The following KIAA1217 variants were observed in gnomAD, a reference collection of about 807,000 sequenced individuals.
The protein encoded by KIAA1217 is KIAA1217, also known as sickle tail protein homolog.
KIAA1217 carries 88 observed loss-of-function variants against 163.9 expected under a neutral mutation model. The ratio of observed to expected loss-of-function variants is 0.54; its 90% CI spans 0.45 to 0.64. KIAA1217 has a LOEUF of 0.64. Ranked by LOEUF, KIAA1217 falls within the 30% of genes least tolerant of loss-of-function variation. The probability of loss-of-function intolerance (pLI) is 0.00; values close to 1 mark genes in which losing one functional copy is unlikely to be tolerated. For missense variants in KIAA1217, 2,372 were observed against 2,475.0 expected, an observed-to-expected ratio of 0.96 and a Z score of 0.88; for synonymous variants, 903 against 923.1, an observed-to-expected ratio of 0.98 and a Z score of 0.39.
At chr10:24,532,310 G>T (rs566075473) in intron 15 of KIAA1217, among the ~76,000 whole-genome samples, 1 of 152,338 alleles carries the variant, frequency 6.6e-6, no homozygotes, top group African/African-American at 2.4e-5. Flanking sequence ...TCTTCCAAAG[G>T]TAACTGAGGT....
chr10:23,986,655 A>C (rs1294173143), intron 1 of KIAA1217, among the ~76,000 whole-genome samples: 1 of 152,138 alleles, frequency 6.6e-6, no homozygotes, highest in Non-Finnish European at 1.5e-5. Context: ...ACAGAAGGCC[A>C]ACTCTATGTC....
At chr10:24,465,010 G>A (rs1008919041) in intron 5 of KIAA1217, among the ~76,000 whole-genome samples, 7 of 152,150 alleles carry the variant, frequency 4.6e-5, no homozygotes, top group African/African-American at 1.4e-4. Context: ...GTCTTTGGAG[G>A]ATGTGATAGG....
chr10:24,515,476 C>T (rs2069959606), intron 10 of KIAA1217, among the ~76,000 whole-genome samples: 1 of 152,166 alleles, frequency 6.6e-6, no homozygotes, highest in African/African-American at 2.4e-5. Context: ...AGATTACAGC[C>T]TAGCATAGGA....
chr10:24,526,156 C>G (rs1350606783), intron 13 of KIAA1217, among the ~76,000 whole-genome samples: 2 of 152,128 alleles, frequency 1.3e-5, no homozygotes, highest in African/African-American at 4.8e-5. Context: ...CTTGTCGTAA[C>G]CCTCCTGCCT....
chr10:23,862,739 G>T (rs1840012642), intron 1 of KIAA1217, among the ~76,000 whole-genome samples: 1 of 152,028 alleles, frequency 6.6e-6, no homozygotes, highest in Non-Finnish European at 1.5e-5. Flanking sequence ...AGATCACAGA[G>T]GATCTTGTAG....
chr10:24,286,053 GTTGAT>G (rs2078510671), intron 2 of KIAA1217, among the ~76,000 whole-genome samples: 2 of 152,102 alleles, frequency 1.3e-5, no homozygotes, highest in Non-Finnish European at 2.9e-5. Context: ...ATTTTTGTAT[GTTGAT>G]TTCATATCCT....
chr10:24,026,315 T>C (rs1461610018), intron 2 of KIAA1217, among the ~76,000 whole-genome samples: 1 of 151,928 alleles, frequency 6.6e-6, no homozygotes. Flanking sequence ...TCTGCTTCTA[T>C]TTTCTGAGAG....
chr10:24,253,888 C>G (rs1457460273), intron 2 of KIAA1217, among the ~76,000 whole-genome samples: 1 of 151,912 alleles, frequency 6.6e-6, no homozygotes, highest in Non-Finnish European at 1.5e-5. Flanking sequence ...GCACTCCAGC[C>G]TGGGTGACAG....
intron 1 of KIAA1217, among the ~76,000 whole-genome samples, chr10:23,950,222 C>A (rs1245307638): frequency 6.6e-6 from 1 of 152,114 alleles, no homozygotes; most frequent in Non-Finnish European, 1.5e-5. Flanking sequence ...TTGGGGATTT[C>A]TTCCCCATAA....
chr10:24,229,888 G>A (rs1460712466), intron 2 of KIAA1217, among the ~76,000 whole-genome samples: 1 of 152,006 alleles, frequency 6.6e-6, no homozygotes, highest in African/African-American at 2.4e-5. Context: ...AGTATACTGT[G>A]TGCACAGCAA....
chr10:24,464,800 G>A (rs1394130117), intron 5 of KIAA1217, among the ~76,000 whole-genome samples: 1 of 152,106 alleles, frequency 6.6e-6, no homozygotes, highest in Non-Finnish European at 1.5e-5. Flanking sequence ...AGCAGATATG[G>A]GATAACATGT....
intron 2 of KIAA1217, among the ~76,000 whole-genome samples, chr10:24,105,846 C>G (rs187429367): frequency 2.6e-5 from 4 of 152,164 alleles, no homozygotes; most frequent in African/African-American, 7.2e-5. Flanking sequence ...GGCATGCATG[C>G]GTGTGGAAAC....
intron 2 of KIAA1217, among the ~76,000 whole-genome samples, chr10:24,098,760 T>TGTGTGTGTGTGTGTGTGTGTG (rs1554865618): frequency 6.8e-6 from 1 of 146,838 alleles, no homozygotes; most frequent in East Asian, 2.0e-4. Flanking sequence ...TGTGTGTGTG[T>TGTGTGTGTGTGTGTGTGTGTG]TAGAGAGAGA....
At chr10:23,874,986 C>T (rs1249502620) in intron 1 of KIAA1217, among the ~76,000 whole-genome samples, 1 of 151,978 alleles carries the variant, frequency 6.6e-6, no homozygotes, top group Non-Finnish European at 1.5e-5. Context: ...AAAGGAGGAG[C>T]TGCCATATCA....
At chr10:24,520,414 T>G (rs1485516976) in intron 11 of KIAA1217, among the ~76,000 whole-genome samples, 161 bp downstream of exon 11, 1 of 151,772 alleles carries the variant, frequency 6.6e-6, no homozygotes, top group Admixed American at 6.6e-5. Context: ...CAGCACAAAG[T>G]AGGTGCACAT....
chr10:24,232,443 A>C lies in KIAA1217; in HGVS notation c.354+12534A>C, dbSNP rs543361669. ...GCTATATTAAGGAAAGCTCTGCAAG[A>C]AATCAAAATAAGATTCTACTAGAAA... On this transcript the variant is annotated intron_variant, in intron 2 of 20. Transcript: ENST00000376454. Among the ~76,000 whole-genome samples the C allele has an allele frequency of 5.8e-4, 89 of 152,302 alleles. 1 individual carries two copies. The Middle Eastern group carries it at 0.01, about 17-fold the overall frequency.
At chr10:23,779,018 T>C (rs1290713515) in intron 1 of KIAA1217, among the ~76,000 whole-genome samples, 4 of 152,316 alleles carry the variant, frequency 2.6e-5, no homozygotes. Flanking sequence ...TTCTGAACAA[T>C]GCTGCCATTA....
chr10:24,039,421 C>T (rs1455216763), intron 2 of KIAA1217, among the ~76,000 whole-genome samples: 1 of 152,122 alleles, frequency 6.6e-6, no homozygotes, highest in East Asian at 1.9e-4. Flanking sequence ...TAGTGATATA[C>T]AACGCAATAC....
intron 1 of KIAA1217, among the ~76,000 whole-genome samples, chr10:23,901,882 C>A (rs1240754999): frequency 2.1e-5 from 3 of 145,260 alleles, no homozygotes; most frequent in Non-Finnish European, 4.4e-5. Flanking sequence ...CCACTACACT[C>A]CAGCTTAGGT....
Sources: gnomAD v4.1 joint callset for allele counts (sites outside exome capture counted in the v4.1 genomes callset) on GRCh38, gnomAD v4.1.1 for gene constraint, MANE v1.5 for transcripts, NCBI Gene and HGNC (gene_info 2026-07-23, HGNC 2026-07-21) for gene names.